Variants in RAMP1 observed in about 807,000 individuals in gnomAD.
The protein encoded by RAMP1 is receptor activity modifying protein 1.
RAMP1 carries 7 observed loss-of-function variants against 8.2 expected under a neutral mutation model. That is an observed-to-expected ratio of 0.85 (90% CI 0.49 to 1.60). The LOEUF is 1.60. Among genes scored for constraint, RAMP1 ranks in the 40% most tolerant of loss-of-function variants. RAMP1 has a pLI of 0.00. For missense variants in RAMP1, 192 were observed against 202.4 expected (o/e 0.95, Z 0.31); for synonymous variants, 92 against 84.7 (o/e 1.09, Z -0.47).
chr2:237,897,955 C>T (rs186605617), intron 2 of RAMP1, among the ~76,000 whole-genome samples: 14 of 152,180 alleles, frequency 9.2e-5, no homozygotes, highest in East Asian at 3.9e-4. Flanking sequence ...TGCACCACCA[C>T]GCCCAGCTAA....
Position 237,911,819 on chromosome 2 carries a change from G to T in RAMP1, c.*36G>T, listed in dbSNP as rs567740178. 6.4e-7 allele frequency: 1 copy of T among 1,556,782 alleles called. No individual in the cohort carries two copies. Among genetic ancestry groups the T allele is most frequent in the Non-Finnish European group, 8.7e-7 (1 of 1,148,496 alleles). ...GGCTGCCCGCGGGTGCACCCAGGCT[G>T]CAGGGTGAGGCCAGGCAGGCCTGGG... On this transcript the variant is annotated 3_prime_UTR_variant, in exon 3 of 3. Transcript: ENST00000254661.
rs1324805748 is a variant in RAMP1, at chr2:237,877,903, T to G, written c.191+541T>G. ...GCCCGATCCTCCTGCCCAAGGGCCCTTCTTCCCGCTTGAGGGGCTCCCTCA... is the reference window on the plus strand; with the variant it reads ...GCCCGATCCTCCTGCCCAAGGGCCCGTCTTCCCGCTTGAGGGGCTCCCTCA... On this transcript the variant is annotated intron_variant, in intron 2 of 2. Transcript: ENST00000254661. The surrounding 1 kb of genome is among the most constrained non-coding windows in gnomAD (Gnocchi z 4.4). 1.0e-6 allele frequency: 1 copy of G among 965,972 alleles called. No individual in the cohort carries two copies. The allele number at this position is 965,972 out of a possible 1,614,324, so 59.8% of individuals were successfully genotyped here.
intron 1 of RAMP1, among the ~76,000 whole-genome samples, chr2:237,875,290 C>G (rs1175057766): frequency 6.6e-6 from 1 of 152,152 alleles, no homozygotes; most frequent in Non-Finnish European, 1.5e-5. Flanking sequence ...CCAAGGTGCA[C>G]TCACAGTGCT....
intron 1 of RAMP1, among the ~76,000 whole-genome samples, chr2:237,877,000 C>G (rs572457636): frequency 1.3e-5 from 2 of 152,190 alleles, no homozygotes. Context: ...CAAGCTGGCA[C>G]GGGCACTGAG....
chr2:237,906,548 C>G (rs1397986309), intron 2 of RAMP1, among the ~76,000 whole-genome samples: 2 of 151,864 alleles, frequency 1.3e-5, no homozygotes, highest in Non-Finnish European at 2.9e-5. Context: ...GGAAAAGTAC[C>G]CTTCTATTGT....
chr2:237,886,369 G>A (rs302672), intron 2 of RAMP1, among the ~76,000 whole-genome samples: 111,740 of 152,094 alleles, frequency 0.73, 41,337 homozygotes, highest in African/African-American at 0.83. Flanking sequence ...GTCAGGGGTT[G>A]CCTCACTTAA....
chr2:237,900,549 A>T (rs1389388735), intron 2 of RAMP1, among the ~76,000 whole-genome samples: 2 of 152,050 alleles, frequency 1.3e-5, no homozygotes. Flanking sequence ...CTTGCTTTGG[A>T]TACTTATTTT....
chr2:237,880,213 G>A (rs2062354008), intron 2 of RAMP1, among the ~76,000 whole-genome samples: 3 of 152,114 alleles, frequency 2.0e-5, no homozygotes, highest in Admixed American at 2.0e-4. Context: ...CACTAATCAG[G>A]TGGCTTTGAG....
At chr2:237,887,883 C>T (rs996550931) in intron 2 of RAMP1, among the ~76,000 whole-genome samples, 2 of 152,186 alleles carry the variant, frequency 1.3e-5, no homozygotes, top group South Asian at 4.1e-4. Flanking sequence ...CCACTCCATT[C>T]CAGCCCAGGT....
chr2:237,901,218 T>G (rs2062593653), intron 2 of RAMP1, among the ~76,000 whole-genome samples: 1 of 152,258 alleles, frequency 6.6e-6, no homozygotes, highest in African/African-American at 2.4e-5. Context: ...CTCGCTGTCT[T>G]CCTTCAGGCT....
At chr2:237,898,780 A>T (rs1371023963) in intron 2 of RAMP1, among the ~76,000 whole-genome samples, 1 of 152,188 alleles carries the variant, frequency 6.6e-6, no homozygotes, top group Non-Finnish European at 1.5e-5. Flanking sequence ...GGCCTCTTAA[A>T]GACAAGCTGG....
intron 1 of RAMP1, among the ~76,000 whole-genome samples, chr2:237,864,499 A>G (rs2062166265): frequency 6.6e-6 from 1 of 152,116 alleles, no homozygotes; most frequent in Non-Finnish European, 1.5e-5. Context: ...GGGGAGGTGG[A>G]TGGATGAGGG....
intron 1 of RAMP1, among the ~76,000 whole-genome samples, chr2:237,860,787 T>G (rs1384664085): frequency 6.6e-6 from 1 of 152,174 alleles, no homozygotes; most frequent in African/African-American, 2.4e-5. Context: ...GGCGCTGTTG[T>G]AGCTGGGGGA....
intron 2 of RAMP1, among the ~76,000 whole-genome samples, chr2:237,889,814 A>G (rs1576548090): frequency 1.3e-5 from 2 of 152,146 alleles, no homozygotes; most frequent in East Asian, 3.9e-4. Flanking sequence ...TTTTGTAGAG[A>G]TGAGGTCTCC....
At position 237,877,732 on chromosome 2, in the gene RAMP1, G is replaced by C. The variant is rs1296963816; in HGVS notation, c.191+370G>C. On this transcript the variant is annotated intron_variant, in intron 2 of 2. Coordinates refer to ENST00000254661, the MANE Select transcript of RAMP1 (RefSeq NM_005855.4). The surrounding 1 kb of genome is among the most constrained non-coding windows in gnomAD (Gnocchi z 4.4). ...GGAGCCTGGCTTCAGGGACGTCCCT[G>C]CTGATTCCCTCTGTCCCTGTGGTCA... 1.3e-5 allele frequency among the ~76,000 whole-genome samples: 2 copies of C among 152,182 alleles called. No homozygotes were observed. Among genetic ancestry groups the C allele is most frequent in the Non-Finnish European group, 2.9e-5 (2 of 68,012 alleles).
intron 1 of RAMP1, among the ~76,000 whole-genome samples, chr2:237,868,354 G>GT (rs1431278916): frequency 6.6e-6 from 1 of 152,016 alleles, no homozygotes; most frequent in Non-Finnish European, 1.5e-5. Flanking sequence ...GGGGTTTTCT[G>GT]TGTCTTGTAG....
chr2:237,890,060 A>G (rs922690353), intron 2 of RAMP1, among the ~76,000 whole-genome samples: 6 of 152,224 alleles, frequency 3.9e-5, no homozygotes, highest in African/African-American at 1.4e-4. Flanking sequence ...CGGCCTCCCC[A>G]GTAAAATGGG....
upstream of RAMP1, chr2:237,859,596 C>A (rs1377990112): frequency 9.1e-7 from 1 of 1,100,190 alleles, no homozygotes; most frequent in Non-Finnish European, 1.1e-6. Context: ...CGGCGCGTCT[C>A]CTCCGGGCCC....
At chr2:237,886,158 A>G (rs1576546197) in intron 2 of RAMP1, among the ~76,000 whole-genome samples, 1 of 152,210 alleles carries the variant, frequency 6.6e-6, no homozygotes, top group African/African-American at 2.4e-5. Context: ...ACAGCTGTCC[A>G]GGGCTGGGCA....
Sources: allele counts gnomAD v4.1 joint callset (sites outside exome capture counted in the v4.1 genomes callset), GRCh38; gene constraint gnomAD v4.1.1; non-coding constraint Gnocchi (gnomAD v3.1); transcripts MANE v1.5; gene names NCBI Gene and HGNC (gene_info 2026-07-23, HGNC 2026-07-21).